The following ANKS1B variants were observed in gnomAD, a reference collection of about 807,000 sequenced individuals.
ANKS1B encodes ankyrin repeat and sterile alpha motif domain-containing protein 1B.
Under a neutral mutation model 148.3 loss-of-function variants are expected in ANKS1B, and 36 were observed. That is an observed-to-expected ratio of 0.24 (90% CI 0.19 to 0.32). ANKS1B has a LOEUF of 0.32. Among genes scored for constraint, ANKS1B ranks in the 10% least tolerant of loss-of-function variants. The pLI, the probability that ANKS1B is intolerant of heterozygous loss-of-function variation, is 1.00. For synonymous variants in ANKS1B, 542 were observed against 560.8 expected (o/e 0.97, Z 0.47); for missense variants, 1,157 against 1,542.6 (o/e 0.75, Z 4.19).
intron 9 of ANKS1B, among the ~76,000 whole-genome samples, chr12:99,615,601 G>A (rs139211940): frequency 6.4e-4 from 97 of 152,190 alleles, no homozygotes; most frequent in African/African-American, 2.2e-3. Context: ...ACCCCTTCAT[G>A]CTAAAAACTC....
At chr12:99,663,681 T>C (rs781501926) in intron 8 of ANKS1B, among the ~76,000 whole-genome samples, 2 of 150,436 alleles carry the variant, frequency 1.3e-5, no homozygotes, top group African/African-American at 2.4e-5. Flanking sequence ...GACGTTACTA[T>C]GTATGGTGAT....
At chr12:99,797,782 T>C (rs948304444) in intron 4 of ANKS1B, among the ~76,000 whole-genome samples, 94 of 151,998 alleles carry the variant, frequency 6.2e-4, no homozygotes, top group African/African-American at 2.1e-3. Flanking sequence ...AGAAATTCTC[T>C]CATTGATTGG....
At chr12:99,866,955 A>T (rs182871125) in intron 1 of ANKS1B, among the ~76,000 whole-genome samples, 236 of 152,296 alleles carry the variant, frequency 1.5e-3, no homozygotes, top group Middle Eastern at 3.4e-3. Context: ...GGAAAAAGAT[A>T]GCAACTGTGT....
In ANKS1B at chr12:99,254,474, T is replaced by C. The variant is rs372571151; in HGVS notation, c.1757-7610A>G. Among the ~76,000 whole-genome samples the C allele has an allele frequency of 1.5e-3, 222 of 152,326 alleles. 2 individuals carry two copies. The highest frequency in any genetic ancestry group is 5.1e-3 in the African/African-American group (212 of 41,588). ...ATGTGATGCCTCTTTCTATCTCAGC[T>C]GTAGGAACTGGCACGCTATTACTTC... On this transcript the variant is annotated intron_variant, in intron 12 of 26. Transcript: ENST00000683438.
At chr12:99,829,686 C>A (rs938987563) in intron 1 of ANKS1B, among the ~76,000 whole-genome samples, 4 of 151,710 alleles carry the variant, frequency 2.6e-5, no homozygotes, top group African/African-American at 9.7e-5. Context: ...AATAATTAGC[C>A]AAGCGTGGTG....
intron 17 of ANKS1B, among the ~76,000 whole-genome samples, chr12:99,018,232 C>G (rs1348542227): frequency 1.3e-5 from 2 of 152,128 alleles, no homozygotes; most frequent in African/African-American, 4.8e-5. Context: ...GGGTGGAGCC[C>G]TTGTGAATGG....
chr12:98,960,479 A>G (rs571355888), intron 17 of ANKS1B, among the ~76,000 whole-genome samples: 1 of 152,318 alleles, frequency 6.6e-6, no homozygotes, highest in South Asian at 2.1e-4. Context: ...CCAAAAACTT[A>G]GATCACAACA....
chr12:98,827,953 G>T (rs1201915677), intron 19 of ANKS1B, among the ~76,000 whole-genome samples: 3 of 152,066 alleles, frequency 2.0e-5, no homozygotes, highest in Non-Finnish European at 2.9e-5. Context: ...TGAAAAGTTT[G>T]GGGGGAAAAA....
chr12:99,792,494 C>T (rs897646814), intron 4 of ANKS1B, among the ~76,000 whole-genome samples: 12 of 151,584 alleles, frequency 7.9e-5, no homozygotes, highest in African/African-American at 2.9e-4. Flanking sequence ...CTCAACAAAA[C>T]TCCAACAAAC....
chr12:99,186,237 A>C (rs1358435309), intron 14 of ANKS1B, among the ~76,000 whole-genome samples: 1 of 152,210 alleles, frequency 6.6e-6, no homozygotes, highest in Non-Finnish European at 1.5e-5. Context: ...CAGCAGCCCC[A>C]GTCAGGGCCT....
intron 19 of ANKS1B, among the ~76,000 whole-genome samples, chr12:98,819,808 T>C (rs1188293088): frequency 6.6e-6 from 1 of 152,224 alleles, no homozygotes; most frequent in Non-Finnish European, 1.5e-5. Flanking sequence ...AAGAATCTTC[T>C]AGCTATTAAT....
chr12:98,869,320 C>A (rs1168705831), intron 17 of ANKS1B, among the ~76,000 whole-genome samples: 1 of 152,130 alleles, frequency 6.6e-6, no homozygotes, highest in African/African-American at 2.4e-5. Context: ...ACTTTCCACC[C>A]ATTCAAGAGT....
chr12:99,190,208 A>T (rs996155781), intron 14 of ANKS1B, among the ~76,000 whole-genome samples: 3 of 152,240 alleles, frequency 2.0e-5, no homozygotes, highest in East Asian at 1.9e-4. Flanking sequence ...AACAAATGGA[A>T]AAACATTCCA....
chr12:99,098,643 T>A (rs1461070459), intron 15 of ANKS1B, among the ~76,000 whole-genome samples: 1 of 133,056 alleles, frequency 7.5e-6, no homozygotes, highest in African/African-American at 3.0e-5. Context: ...TTTTTTTTTT[T>A]TTTTTTTTTT....
At chr12:99,363,353 C>T (rs2092594513) in intron 12 of ANKS1B, among the ~76,000 whole-genome samples, 1 of 152,062 alleles carries the variant, frequency 6.6e-6, no homozygotes, top group Admixed American at 6.6e-5. Flanking sequence ...CAGACTTGTT[C>T]ATTATTTTAC....
chr12:99,757,324 C>T (rs966747092), intron 8 of ANKS1B, among the ~76,000 whole-genome samples: 10 of 151,968 alleles, frequency 6.6e-5, no homozygotes, highest in East Asian at 1.9e-4. Flanking sequence ...ATACATGCAG[C>T]CAACAAGCAT....
At chr12:99,148,825 C>T (rs768352229) in intron 15 of ANKS1B, among the ~76,000 whole-genome samples, 68 of 152,074 alleles carry the variant, frequency 4.5e-4, no homozygotes, top group Non-Finnish European at 7.5e-4. Context: ...TATTTAAATG[C>T]CGGCAGTTGA....
chr12:99,504,447 T>C, intron 10 of ANKS1B, 29 bp downstream of exon 10: 1 of 1,595,040 alleles, frequency 6.3e-7, no homozygotes, highest in Non-Finnish European at 8.5e-7. Flanking sequence ...GTAAATTGAA[T>C]CAGGCCAATT....
intron 17 of ANKS1B, among the ~76,000 whole-genome samples, chr12:98,923,375 T>C (rs1357461294): frequency 6.6e-6 from 1 of 152,194 alleles, no homozygotes; most frequent in Non-Finnish European, 1.5e-5. Flanking sequence ...ACTACCCGTC[T>C]CAGGTAGTCT....
Sources: gnomAD v4.1 joint callset for allele counts (sites outside exome capture counted in the v4.1 genomes callset) on GRCh38, gnomAD v4.1.1 for gene constraint, MANE v1.5 for transcripts, NCBI Gene and HGNC (gene_info 2026-07-23, HGNC 2026-07-21) for gene names.